The following CFI variants were observed in gnomAD, a reference collection of about 807,000 sequenced individuals.
The protein encoded by CFI is complement factor I.
Under a neutral mutation model 78.8 loss-of-function variants are expected in CFI, and 66 were observed. That is an observed-to-expected ratio of 0.84 (90% CI 0.69 to 1.03). CFI has a LOEUF of 1.03. CFI is among the 50% of genes least tolerant of loss of function. The pLI is 0.00. For missense variants in CFI, 706 were observed against 704.5 expected (o/e 1.00, Z -0.02); for synonymous variants, 250 against 232.6 (o/e 1.07, Z -0.68).
intron 12 of CFI, 188 bp from the exon 13 acceptor site, chr4:109,741,298 G>A (rs1723765310): frequency 1.0e-5 from 10 of 985,212 alleles, no homozygotes; most frequent in African/African-American, 1.7e-5. Context: ...AATTCTTTAC[G>A]AGTCTTCTAT....
chr4:109,742,514 T>C lies in CFI; in HGVS notation c.1511A>G (p.Tyr504Cys). The C allele has an allele frequency of 1.2e-6, 2 of 1,612,714 alleles. No individual in the cohort carries two copies. Among genetic ancestry groups the C allele is most frequent in the East Asian group, 2.2e-5 (1 of 44,886 alleles). The stretch of plus-strand genomic sequence containing the variant: ...ACCTGCACATTCCATTTCTTTTTCA[T>C]AGAAACGATTTCCGTAAAACTTAGA... ...NCSKFYGNRF[Y>C]EKEMECAGTY... The change falls in exon 12 of 13, where the codon TAT becomes TGT. Residue 504 changes from tyrosine to cysteine, a missense_variant. By Grantham distance (194) the Tyr-to-Cys change is radical (BLOSUM62 -2). Transcript: ENST00000394634.
At chr4:109,731,141 T>C in the CFI span, among the ~76,000 whole-genome samples, 1 of 152,098 alleles carries the variant, frequency 6.6e-6, no homozygotes, top group South Asian at 2.1e-4. Flanking sequence ...GGTCAGAAGT[T>C]CGAGACCAGC....
intron 1 of CFI, among the ~76,000 whole-genome samples, chr4:109,790,863 G>T (rs1181943359): frequency 1.3e-5 from 2 of 152,240 alleles, no homozygotes; most frequent in Non-Finnish European, 1.5e-5. Flanking sequence ...GGGCATTTAA[G>T]GTGATTCCAT....
chr4:109,785,164 C>G (rs1284169393), intron 1 of CFI, among the ~76,000 whole-genome samples: 2 of 152,124 alleles, frequency 1.3e-5, no homozygotes, highest in Non-Finnish European at 2.9e-5. Context: ...TTTGCTGACT[C>G]TCTTTTCGGA....
chr4:109,779,119 G>T (rs1729659944), intron 1 of CFI, among the ~76,000 whole-genome samples: 1 of 152,116 alleles, frequency 6.6e-6, no homozygotes, highest in Non-Finnish European at 1.5e-5. Context: ...CATAGTGTTG[G>T]AAGTTCTGAA....
intron 10 of CFI, among the ~76,000 whole-genome samples, chr4:109,746,971 A>G (rs770260847): frequency 2.0e-5 from 3 of 152,152 alleles, no homozygotes; most frequent in Non-Finnish European, 4.4e-5. Context: ...TTATCCTAAC[A>G]TTGCATTGTA....
chr4:109,756,970 A>AAAGAAAGG (rs1726374199), intron 7 of CFI, among the ~76,000 whole-genome samples: 3 of 139,762 alleles, frequency 2.1e-5, no homozygotes, highest in African/African-American at 7.9e-5. Context: ...AGAAAGAAAG[A>AAAGAAAGG]AAGAAAGAAA....
intron 1 of CFI, among the ~76,000 whole-genome samples, chr4:109,770,042 T>C (rs1214046490): frequency 6.6e-6 from 1 of 152,006 alleles, no homozygotes; most frequent in Non-Finnish European, 1.5e-5. Context: ...TTGCCTGGGG[T>C]GCAGGTGGGA....
In CFI at chr4:109,756,871, CGAAA is replaced by C. The variant is rs199723870; in HGVS notation, c.904+888_904+891del. On this transcript the variant is annotated intron_variant, in intron 7 of 12. Coordinates refer to ENST00000394634, the MANE Select transcript of CFI (RefSeq NM_000204.5). Reference sequence around the variant, plus strand: ...CGAGTACAAGACCGAGACTCCGTCTCGAAAGAAAGAAAGAAAGGAAAGAAAGAAA... The same window carrying C: ...CGAGTACAAGACCGAGACTCCGTCTCGAAAGAAAGAAAGGAAAGAAAGAAA... 2.6e-3 allele frequency among the ~76,000 whole-genome samples: 299 copies of C among 113,754 alleles called. 22 individuals carry two copies. The East Asian group carries it at 0.043, about 16-fold the overall frequency. The allele number at this position is 113,754 out of a possible 152,430, so 74.6% of individuals were successfully genotyped here.
chr4:109,797,399 A>G lies in CFI; in HGVS notation c.57+4516T>C, dbSNP rs369406613. ...ATGCAAAAACTGAAATTGGACCCCT[A>G]TATTACCCCATACACACAAATCAAC... On this transcript the variant is annotated intron_variant, in intron 1 of 12. Transcript: ENST00000394634. 2.6e-5 allele frequency among the ~76,000 whole-genome samples: 4 copies of G among 152,188 alleles called. No individual in the cohort carries two copies. In the South Asian group the frequency reaches 6.2e-4, roughly 24 times the overall value.
chr4:109,765,091 A>T (rs1403393993), intron 2 of CFI, among the ~76,000 whole-genome samples: 1 of 152,218 alleles, frequency 6.6e-6, no homozygotes, highest in African/African-American at 2.4e-5. Flanking sequence ...GGGTTTATGT[A>T]TTCTCGTGTA....
intron 1 of CFI, among the ~76,000 whole-genome samples, chr4:109,773,519 A>C (rs1387393956): frequency 3.9e-5 from 6 of 152,214 alleles, no homozygotes; most frequent in Non-Finnish European, 8.8e-5. Context: ...CGTCTCAAAA[A>C]CAAACAAACA....
intron 10 of CFI, 25 bp downstream of exon 10, chr4:109,749,193 A>G: frequency 3.2e-6 from 5 of 1,585,948 alleles, no homozygotes; most frequent in South Asian, 1.1e-5. Flanking sequence ...CGGGAAATCT[A>G]AAATTTACTG....
chr4:109,769,206 T>C (rs186218887), intron 1 of CFI, among the ~76,000 whole-genome samples: 1 of 152,330 alleles, frequency 6.6e-6, no homozygotes, highest in East Asian at 1.9e-4. Flanking sequence ...ATCTCATTCC[T>C]CCTTGATCTT....
At chr4:109,796,871 G>C (rs2125873929) in intron 1 of CFI, among the ~76,000 whole-genome samples, 1 of 152,188 alleles carries the variant, frequency 6.6e-6, no homozygotes, top group South Asian at 2.1e-4. Context: ...TAACCAACAA[G>C]GTGAAAAACT....
chr4:109,740,157 A>C (rs1723625918), downstream of CFI, among the ~76,000 whole-genome samples: 1 of 151,932 alleles, frequency 6.6e-6, no homozygotes, highest in Admixed American at 6.6e-5. Context: ...TAGGCATGGT[A>C]GTGTGCACCT....
At chr4:109,768,903 C>T (rs1161394216) in intron 1 of CFI, among the ~76,000 whole-genome samples, 1 of 151,932 alleles carries the variant, frequency 6.6e-6, no homozygotes, top group Non-Finnish European at 1.5e-5. Flanking sequence ...TACACACACA[C>T]ACACACAAAT....
At chr4:109,773,266 G>A (rs1262153333) in intron 1 of CFI, among the ~76,000 whole-genome samples, 6 of 152,268 alleles carry the variant, frequency 3.9e-5, no homozygotes, top group East Asian at 3.9e-4. Context: ...AGTGGCTTAC[G>A]CCTGTAATCC....
chr4:109,746,868 G>C (rs1312605284), intron 10 of CFI, among the ~76,000 whole-genome samples: 1 of 152,154 alleles, frequency 6.6e-6, no homozygotes, highest in African/African-American at 2.4e-5. Flanking sequence ...AGGAACTAGG[G>C]AGTTGGACCA....
Sources: allele counts gnomAD v4.1 joint callset (sites outside exome capture counted in the v4.1 genomes callset), GRCh38; gene constraint gnomAD v4.1.1; transcripts MANE v1.5; gene names NCBI Gene and HGNC (gene_info 2026-07-23, HGNC 2026-07-21).